LRGUK: variants seen among roughly 807,000 people sequenced by gnomAD.
The protein encoded by LRGUK is leucine-rich repeat and guanylate kinase domain-containing protein.
In LRGUK, 65 loss-of-function variants were observed where a neutral mutation model predicts 76.0. The ratio of observed to expected loss-of-function variants is 0.85; its 90% CI spans 0.70 to 1.05. The LOEUF (loss-of-function observed/expected upper bound fraction) is 1.05, where lower values mean the gene tolerates loss of function less well. LRGUK is among the 50% of genes least tolerant of loss of function. LRGUK has a pLI of 0.00. For synonymous variants in LRGUK, 268 were observed against 265.6 expected, an observed-to-expected ratio of 1.01 and a Z score of -0.09; for missense variants, 758 against 732.8, an observed-to-expected ratio of 1.03 and a Z score of -0.40.
chr7:134,259,958 AT>A (rs1268899458), intron 19 of LRGUK, among the ~76,000 whole-genome samples: 1 of 152,004 alleles, frequency 6.6e-6, no homozygotes, highest in Non-Finnish European at 1.5e-5. Flanking sequence ...CTTAAATGGG[AT>A]GCTTAGGGTC....
At chr7:134,132,032 A>G (rs1797330987) in intron 1 of LRGUK, among the ~76,000 whole-genome samples, 1 of 152,204 alleles carries the variant, frequency 6.6e-6, no homozygotes, top group South Asian at 2.1e-4. Flanking sequence ...GAAGACCTAT[A>G]TGATAGGGAA....
At chr7:134,175,685 A>C (rs866009817) in intron 8 of LRGUK, among the ~76,000 whole-genome samples, 3 of 152,204 alleles carry the variant, frequency 2.0e-5, no homozygotes, top group Middle Eastern at 3.4e-3. Context: ...GGTTTTTTTC[A>C]TTCTTTTAAT....
intron 14 of LRGUK, 126 bp downstream of exon 14, chr7:134,199,547 C>G (rs1352456720): frequency 1.4e-6 from 1 of 735,598 alleles, no homozygotes; most frequent in Non-Finnish European, 2.2e-6. Flanking sequence ...CAAAGAGCTG[C>G]GAAAAGGGGT....
chr7:134,237,405 C>CAGTTAATATTA (rs1802043069), intron 16 of LRGUK, among the ~76,000 whole-genome samples: 1 of 151,998 alleles, frequency 6.6e-6, no homozygotes, highest in Non-Finnish European at 1.5e-5. Flanking sequence ...TGAAGGTGAC[C>CAGTTAATATTA]AGTTAATATT....
At chr7:134,221,866 G>T in exon 16 of LRGUK, 2 of 1,598,380 alleles carry the variant, frequency 1.3e-6, no homozygotes, top group Non-Finnish European at 1.7e-6. Context: ...TCTACAGACA[G>T]AAACTACCTC....
rs191721861 is a variant in LRGUK, at chr7:134,151,353, A to G, written c.670+3034A>G. Among the ~76,000 whole-genome samples the G allele has an allele frequency of 1.1e-4, 17 of 152,232 alleles. No homozygotes were observed. The East Asian group carries it at 3.1e-3, about 28-fold the overall frequency. ...AAAAATATTACACATCAGTTTGGAA[A>G]TAGAAACCCTGAGTAGTCCTATAAC... On this transcript the variant is annotated intron_variant, in intron 5 of 15. Transcript: ENST00000645682.
intron 5 of LRGUK, among the ~76,000 whole-genome samples, chr7:134,156,876 T>C (rs79951977): frequency 5.3e-4 from 81 of 152,260 alleles, no homozygotes; most frequent in Non-Finnish European, 9.7e-4. Flanking sequence ...TAAAGAGATA[T>C]TTTAAGGCAA....
At chr7:134,239,763 C>T (rs575867030) in intron 16 of LRGUK, among the ~76,000 whole-genome samples, 23 of 152,304 alleles carry the variant, frequency 1.5e-4, no homozygotes, top group African/African-American at 5.3e-4. Flanking sequence ...CAAGTGGGTC[C>T]CTGACCCCCG....
chr7:134,174,805 T>G (rs1206316184), intron 8 of LRGUK, among the ~76,000 whole-genome samples, 169 bp downstream of exon 8: 1 of 152,136 alleles, frequency 6.6e-6, no homozygotes, highest in African/African-American at 2.4e-5. Context: ...GTACCTAAAG[T>G]GACAATTTTT....
intron 11 of LRGUK, among the ~76,000 whole-genome samples, chr7:134,190,794 TG>T (rs1423207827): frequency 9.6e-6 from 1 of 104,600 alleles, no homozygotes; most frequent in Non-Finnish European, 2.2e-5. Context: ...GGGAATGCAG[TG>T]GCGAATAAGA....
chr7:134,185,613 T>C (rs1462211223), intron 11 of LRGUK, among the ~76,000 whole-genome samples: 1 of 152,156 alleles, frequency 6.6e-6, no homozygotes, highest in Non-Finnish European at 1.5e-5. Context: ...TTTCCTCTTG[T>C]ACTTTTTGTG....
chr7:134,199,422 G>T lies in LRGUK; in HGVS notation c.1747+1G>T. On this transcript the variant is annotated splice_donor_variant, in intron 14 of 15. Coordinates refer to ENST00000645682, the Ensembl canonical transcript of LRGUK. LOFTEE classifies it high-confidence loss of function. ...TATTTTGATGAGGTAATCAATGCAGGTTGGTAATTTTCAGCAAAGTTTTGT... is the reference window on the plus strand; with the variant it reads ...TATTTTGATGAGGTAATCAATGCAGTTTGGTAATTTTCAGCAAAGTTTTGT... 1 of 1,607,344 alleles carries T rather than the reference G, an allele frequency of 6.2e-7. No homozygotes were observed. The highest frequency in any genetic ancestry group is 1.1e-5 in the South Asian group (1 of 89,888).
rs1563164629 is a variant in LRGUK at position 134,178,932 on chromosome 7, A to AAAAAAAAAAAAAAAAAAAAAC, written c.1214+339_1214+340insAAAACAAAAAAAAAAAAAAAA. Reference sequence around the variant, plus strand: ...CCACACAACAGTGAAATCTCAAAAAAAAAAAAAAAAAAAAAACCAGGACCA... The same window carrying AAAAAAAAAAAAAAAAAAAAAC: ...CCACACAACAGTGAAATCTCAAAAAAAAAAAAAAAAAAAAAAAAAACAAAAAAAAAAAAAAAACCAGGACCA... On this transcript the variant is annotated intron_variant, in intron 10 of 15. Coordinates refer to ENST00000645682, the Ensembl canonical transcript of LRGUK. Among the ~76,000 whole-genome samples, 4 of 129,420 alleles carry AAAAAAAAAAAAAAAAAAAAAC rather than the reference A, an allele frequency of 3.1e-5. 1 individual carries two copies. The highest frequency in any genetic ancestry group is 1.2e-4 in the African/African-American group (4 of 34,336). 84.9% of individuals were successfully genotyped at this position (129,420 alleles called of 152,430 possible).
intron 7 of LRGUK, among the ~76,000 whole-genome samples, chr7:134,164,331 G>T (rs1798881236): frequency 6.6e-6 from 1 of 152,104 alleles, no homozygotes; most frequent in Non-Finnish European, 1.5e-5. Flanking sequence ...AGAGGCACAG[G>T]AAGGGAGTTC....
intron 10 of LRGUK, among the ~76,000 whole-genome samples, chr7:134,179,734 A>G (rs1385890336): frequency 6.6e-6 from 1 of 152,210 alleles, no homozygotes; most frequent in Non-Finnish European, 1.5e-5. Flanking sequence ...TGTCTTGATC[A>G]TTTCTGGCTG....
Position 134,169,133 on chromosome 7 carries a change from GAC to G in LRGUK, c.940-5362_940-5361del, listed in dbSNP as rs36204942. On this transcript the variant is annotated intron_variant, in intron 7 of 15. Coordinates refer to ENST00000645682, the Ensembl canonical transcript of LRGUK. Reference sequence around the variant, plus strand: ...CCTGATAAGAGGCTGAAGGGAAGAAGACACACACACACACACACACACACACA... The same window carrying G: ...CCTGATAAGAGGCTGAAGGGAAGAAGACACACACACACACACACACACACA... Among the ~76,000 whole-genome samples the G allele has an allele frequency of 8.1e-3, 1,091 of 135,430 alleles. 4 individuals carry two copies. The highest frequency in any genetic ancestry group is 0.016 in the African/African-American group (562 of 35,772). The allele number at this position is 135,430 out of a possible 152,430, so 88.8% of individuals were successfully genotyped here.
downstream of LRGUK, among the ~76,000 whole-genome samples, chr7:134,265,625 C>T (rs1385058951): frequency 1.3e-5 from 2 of 152,300 alleles, no homozygotes; most frequent in East Asian, 3.9e-4. Context: ...AAACTATGCT[C>T]CCTACCCTGT....
chr7:134,170,884 G>A (rs951369465), intron 7 of LRGUK, among the ~76,000 whole-genome samples: 1 of 152,082 alleles, frequency 6.6e-6, no homozygotes, highest in Non-Finnish European at 1.5e-5. Flanking sequence ...TATGCATTCG[G>A]TTCCATTGAT....
intron 1 of LRGUK, 117 bp downstream of exon 1, chr7:134,127,781 T>A: frequency 8.3e-7 from 1 of 1,207,362 alleles, no homozygotes; most frequent in Non-Finnish European, 1.1e-6. Context: ...TCTCAGGCTC[T>A]CTCGCCTCCA....
Sources: gnomAD v4.1 joint callset for allele counts (sites outside exome capture counted in the v4.1 genomes callset) on GRCh38, gnomAD v4.1.1 for gene constraint, MANE v1.5 for transcripts, NCBI Gene and HGNC (gene_info 2026-07-23, HGNC 2026-07-21) for gene names.